Variants in KCNQ1OT1 observed in about 807,000 individuals in gnomAD.
KCNQ1OT1 encodes the protein KCNQ1 opposite strand/antisense transcript 1, also known as KCNQ1 antisense RNA 2 (non-protein coding).
At chr11:2,635,797 G>T (rs1849455113) in exon 1 of KCNQ1OT1, 1 of 152,174 alleles carries the variant, frequency 6.6e-6, no homozygotes, top group African/African-American at 2.4e-5. Flanking sequence ...TCATGATACT[G>T]ATTCTCCCTA....
In KCNQ1OT1 at chr11:2,613,605, C is replaced by T; in HGVS notation, n.86390G>A. ...ATTAGCACTTTTCAATTTTATATTT[C>T]TTTGTCCAGTTTTATCATTGCTTTT... On this transcript the variant is annotated non_coding_transcript_exon_variant, in exon 1 of 1. Transcript: ENST00000597346. This position sits in a 1 kb window ranked among gnomAD's most constrained non-coding sequence, Gnocchi z 4.8. 1 of 398,516 alleles carries T rather than the reference C, an allele frequency of 2.5e-6. No individual in the cohort carries two copies. The highest frequency in any genetic ancestry group is 4.4e-6 in the Non-Finnish European group (1 of 226,032). The allele number at this position is 398,516 out of a possible 1,614,324, so 24.7% of individuals were successfully genotyped here.
chr11:2,657,972 C>T lies in KCNQ1OT1; in HGVS notation n.42023G>A, dbSNP rs1317033238. On this transcript the variant is annotated non_coding_transcript_exon_variant, in exon 1 of 1. Coordinates refer to ENST00000597346, the Ensembl canonical transcript of KCNQ1OT1. The surrounding 1 kb of genome is among the most constrained non-coding windows in gnomAD (Gnocchi z 4.8). ...TTGAGCCACTCGTTTAAAGTGGTGT[C>T]GGCCAGGCTCCTCCACTGTAAGTGA... 1.3e-5 allele frequency: 5 copies of T among 398,400 alleles called. No homozygotes were observed. Among genetic ancestry groups the T allele is most frequent in the East Asian group, 1.1e-4 (3 of 28,090 alleles). The allele number at this position is 398,400 out of a possible 1,614,324, so 24.7% of individuals were successfully genotyped here.
At position 2,687,020 on chromosome 11, in the gene KCNQ1OT1, G is replaced by A. The variant is rs1850501224; in HGVS notation, n.12975C>T. ...TTGCTAAGATGGGAGCAAGAGCTTA[G>A]GGCTAAAACTCAGCAGTCCCAGCTC... On this transcript the variant is annotated non_coding_transcript_exon_variant, in exon 1 of 1. Transcript: ENST00000597346. The surrounding 1 kb of genome is among the most constrained non-coding windows in gnomAD (Gnocchi z 5.0). The A allele has an allele frequency of 2.5e-6, 1 of 398,638 alleles. No individual in the cohort carries two copies. Among genetic ancestry groups the A allele is most frequent in the East Asian group, 3.6e-5 (1 of 28,076 alleles). The allele number at this position is 398,638 out of a possible 1,614,324, so 24.7% of individuals were successfully genotyped here.
exon 1 of KCNQ1OT1, chr11:2,640,831 G>C: frequency 2.5e-6 from 1 of 398,950 alleles, no homozygotes; most frequent in Non-Finnish European, 4.4e-6. Flanking sequence ...TCACCCTCCA[G>C]ACATACCTTT....
exon 1 of KCNQ1OT1, chr11:2,650,788 C>G: frequency 2.5e-6 from 1 of 398,662 alleles, no homozygotes; most frequent in Non-Finnish European, 4.4e-6. Flanking sequence ...TCTCCTAATA[C>G]TGCTAACAGC....
chr11:2,621,263 C>G lies in KCNQ1OT1; in HGVS notation n.78732G>C. On this transcript the variant is annotated non_coding_transcript_exon_variant, in exon 1 of 1. Transcript: ENST00000597346. The surrounding 1 kb of genome is among the most constrained non-coding windows in gnomAD (Gnocchi z 5.7). ...AAAGTGCTAGGACTACAGGCATGAG[C>G]CACCGTGCCTGGCCTCATTATTTGC... is the stretch of plus-strand genomic sequence containing the variant. The G allele has an allele frequency of 2.5e-6, 1 of 398,468 alleles. No individual in the cohort carries two copies. The highest frequency in any genetic ancestry group is 4.4e-6 in the Non-Finnish European group (1 of 226,066). The allele number at this position is 398,468 out of a possible 1,614,324, so 24.7% of individuals were successfully genotyped here. A position where few individuals can be genotyped will look rare whatever the true frequency, so the allele number is the denominator to read the frequency against.
chr11:2,610,555 G>T, exon 1 of KCNQ1OT1: 1 of 398,238 alleles, frequency 2.5e-6, no homozygotes, highest in South Asian at 1.3e-4. Flanking sequence ...GGATATATGT[G>T]AACTTCCTGG....
In KCNQ1OT1 at chr11:2,668,694, ACT is replaced by A; in HGVS notation, n.31299_31300del. ...ATTTGTCAGAGAGAGAGATACACAC[ACT>A]CACACTCTCTCACAGACACACACAT... is the stretch of plus-strand genomic sequence containing the variant. On this transcript the variant is annotated non_coding_transcript_exon_variant, in exon 1 of 1. Transcript: ENST00000597346. The surrounding 1 kb of genome is among the most constrained non-coding windows in gnomAD (Gnocchi z 4.3). 7.5e-6 allele frequency: 3 copies of A among 398,290 alleles called. 1 individual carries two copies. The highest frequency in any genetic ancestry group is 8.8e-6 in the Non-Finnish European group (2 of 225,998). The allele number at this position is 398,290 out of a possible 1,614,324, so 24.7% of individuals were successfully genotyped here. A position where few individuals can be genotyped will look rare whatever the true frequency, so the allele number is the denominator to read the frequency against.
chr11:2,672,256 C>G (rs1850197010), exon 1 of KCNQ1OT1: 2 of 398,578 alleles, frequency 5.0e-6, no homozygotes, highest in Non-Finnish European at 8.8e-6. Context: ...TTCTGCTTTT[C>G]TTTTTGAACT....
rs890576911 is a variant in KCNQ1OT1 at position 2,680,172 on chromosome 11, G to T, written n.19823C>A. 1.3e-5 allele frequency: 5 copies of T among 394,676 alleles called. No individual in the cohort carries two copies. The Admixed American group carries it at 1.8e-4, about 14-fold the overall frequency. 24.4% of individuals were successfully genotyped at this position (394,676 alleles called of 1,614,324 possible). The stretch of plus-strand genomic sequence containing the variant: ...CTCCTAAAGTGCTGGGATTACGGGC[G>T]TGAGCCAATGCACCTGGCCTCAGCT... On this transcript the variant is annotated non_coding_transcript_exon_variant, in exon 1 of 1. Transcript: ENST00000597346.
chr11:2,665,237 A>G, exon 1 of KCNQ1OT1: 1 of 398,528 alleles, frequency 2.5e-6, no homozygotes, highest in Non-Finnish European at 4.4e-6. Flanking sequence ...ATGGGGCACA[A>G]GAGAGTCCCT....
chr11:2,655,470 T>C (rs1024725763), exon 1 of KCNQ1OT1: 1 of 398,566 alleles, frequency 2.5e-6, no homozygotes, highest in African/African-American at 2.1e-5. Flanking sequence ...ATTGCTCCGG[T>C]ACCTCCTGCA....
At chr11:2,656,135 C>T in exon 1 of KCNQ1OT1, 1 of 398,652 alleles carries the variant, frequency 2.5e-6, no homozygotes, top group Non-Finnish European at 4.4e-6. Flanking sequence ...CTCCATCGTT[C>T]CTTCTACATA....
chr11:2,653,420 A>G lies in KCNQ1OT1; in HGVS notation n.46575T>C, dbSNP rs1849788128. On this transcript the variant is annotated non_coding_transcript_exon_variant, in exon 1 of 1. Transcript: ENST00000597346. The surrounding 1 kb of genome is among the most constrained non-coding windows in gnomAD (Gnocchi z 5.3). Reference sequence around the variant, plus strand: ...TAACAAATGATGGAACCCCAACTCAAACAAGCTTAAGCACAAAAGGGACAT... The same window carrying G: ...TAACAAATGATGGAACCCCAACTCAGACAAGCTTAAGCACAAAAGGGACAT... The G allele has an allele frequency of 2.5e-6, 1 of 398,558 alleles. No homozygotes were observed. Among genetic ancestry groups the G allele is most frequent in the Non-Finnish European group, 4.4e-6 (1 of 226,128 alleles). The allele number at this position is 398,558 out of a possible 1,614,324, so 24.7% of individuals were successfully genotyped here.
exon 1 of KCNQ1OT1, chr11:2,636,353 C>T (rs991922584): frequency 1.6e-4 from 24 of 151,570 alleles, no homozygotes; most frequent in Non-Finnish European, 3.2e-4. Flanking sequence ...TTTTGAGATA[C>T]ATCCCATCAA....
Position 2,611,974 on chromosome 11 carries a change from CCTT to C in KCNQ1OT1, n.88018_88020del, listed in dbSNP as rs1848985325. On this transcript the variant is annotated non_coding_transcript_exon_variant, in exon 1 of 1. Transcript: ENST00000597346. The surrounding 1 kb of genome is among the most constrained non-coding windows in gnomAD (Gnocchi z 5.3). Reference sequence around the variant, plus strand: ...AATATTTTTGTCTGCCCTATTCTCTCCTTCTCAGTACTCTTATTAACACATATG... The same window carrying C: ...AATATTTTTGTCTGCCCTATTCTCTCCTCAGTACTCTTATTAACACATATG... 2.5e-6 allele frequency: 1 copy of C among 398,628 alleles called. No homozygotes were observed. The highest frequency in any genetic ancestry group is 4.4e-6 in the Non-Finnish European group (1 of 226,068). 24.7% of individuals were successfully genotyped at this position (398,628 alleles called of 1,614,324 possible).
At position 2,617,116 on chromosome 11, in the gene KCNQ1OT1, A is replaced by G. The variant is rs2133798725; in HGVS notation, n.82879T>C. 1 of 398,354 alleles carries G rather than the reference A, an allele frequency of 2.5e-6. No homozygotes were observed. The highest frequency in any genetic ancestry group is 4.4e-6 in the Non-Finnish European group (1 of 225,900). The allele number at this position is 398,354 out of a possible 1,614,324, so 24.7% of individuals were successfully genotyped here. On this transcript the variant is annotated non_coding_transcript_exon_variant, in exon 1 of 1. Transcript: ENST00000597346. The surrounding 1 kb of genome is among the most constrained non-coding windows in gnomAD (Gnocchi z 4.6). ...AAAGCTATGATCTACTCAATTGGCA[A>G]AAATTCCAAATGCAATATACTAACT...
rs533687957 is a variant in KCNQ1OT1 at position 2,661,035 on chromosome 11, G to A, written n.38960C>T. 5 of 398,456 alleles carry A rather than the reference G, an allele frequency of 1.3e-5. No homozygotes were observed. Among genetic ancestry groups the A allele is most frequent in the South Asian group, 1.3e-4 (1 of 7,838 alleles). 24.7% of individuals were successfully genotyped at this position (398,456 alleles called of 1,614,324 possible). On this transcript the variant is annotated non_coding_transcript_exon_variant, in exon 1 of 1. Coordinates refer to ENST00000597346, the Ensembl canonical transcript of KCNQ1OT1. The surrounding 1 kb of genome is among the most constrained non-coding windows in gnomAD (Gnocchi z 5.9). ...CTATATACCTAGAGAAAAATGAAATGAGCTTATGTTACAGAGTGACAGGAA... is the reference window on the plus strand; with the variant it reads ...CTATATACCTAGAGAAAAATGAAATAAGCTTATGTTACAGAGTGACAGGAA...
In KCNQ1OT1 at chr11:2,695,493, T is replaced by C; in HGVS notation, n.4502A>G. ...GCGTCTCTATCTTGTGAAGTGTACA[T>C]CTAGTCCCCTGCTCCTAACCACAGT... On this transcript the variant is annotated non_coding_transcript_exon_variant, in exon 1 of 1. Coordinates refer to ENST00000597346, the Ensembl canonical transcript of KCNQ1OT1. The surrounding 1 kb of genome is among the most constrained non-coding windows in gnomAD (Gnocchi z 5.2). 1 of 398,660 alleles carries C rather than the reference T, an allele frequency of 2.5e-6. No homozygotes were observed. The highest frequency in any genetic ancestry group is 4.4e-6 in the Non-Finnish European group (1 of 226,118). 24.7% of individuals were successfully genotyped at this position (398,660 alleles called of 1,614,324 possible).
Sources: allele counts gnomAD v4.1 joint callset, GRCh38; gene constraint gnomAD v4.1.1; non-coding constraint Gnocchi (gnomAD v3.1); transcripts MANE v1.5; gene names NCBI Gene and HGNC (gene_info 2026-07-23, HGNC 2026-07-21).